The following HTR3B variants were observed in gnomAD, a reference collection of about 807,000 sequenced individuals.
HTR3B encodes the protein 5-hydroxytryptamine (serotonin) receptor 3B, ionotropic.
Under a neutral mutation model 42.8 loss-of-function variants are expected in HTR3B, and 44 were observed. That is an observed-to-expected ratio of 1.03 (90% CI 0.81 to 1.32). The LOEUF (loss-of-function observed/expected upper bound fraction) is 1.32. Ranked by LOEUF, HTR3B falls within the 40% of genes most tolerant of loss-of-function variation. The pLI, the probability that HTR3B is intolerant of heterozygous loss-of-function variation, is 0.00. For synonymous variants in HTR3B, 203 were observed against 209.0 expected, an observed-to-expected ratio of 0.97 and a Z score of 0.25; for missense variants, 527 against 536.5, an observed-to-expected ratio of 0.98 and a Z score of 0.17.
At chr11:113,937,239 C>G (rs1395390704) in intron 6 of HTR3B, among the ~76,000 whole-genome samples, 3 of 152,216 alleles carry the variant, frequency 2.0e-5, no homozygotes, top group African/African-American at 7.2e-5. Context: ...CTTGCATGAT[C>G]TGCAGAGAGG....
chr11:113,917,727 C>T (rs1949870294), intron 2 of HTR3B, among the ~76,000 whole-genome samples: 1 of 151,872 alleles, frequency 6.6e-6, no homozygotes, highest in Non-Finnish European at 1.5e-5. Context: ...GCCTCACCCT[C>T]CTGAGTAGCT....
At chr11:113,901,141 C>T (rs1429688302), upstream of HTR3B, among the ~76,000 whole-genome samples, 44 of 151,980 alleles carry the variant, frequency 2.9e-4, no homozygotes, top group Admixed American at 2.8e-3. Context: ...CAATACCAAA[C>T]CTAAAAGAAC....
chr11:113,938,648 G>C (rs983864047), intron 6 of HTR3B, among the ~76,000 whole-genome samples: 1 of 152,158 alleles, frequency 6.6e-6, no homozygotes, highest in Non-Finnish European at 1.5e-5. Context: ...TATCCAATGA[G>C]ATAATAAAAA....
intron 2 of HTR3B, among the ~76,000 whole-genome samples, chr11:113,918,680 G>A (rs561907761): frequency 1.5e-5 from 2 of 134,610 alleles, no homozygotes; most frequent in African/African-American, 5.6e-5. Flanking sequence ...TTTTCAGTAT[G>A]GAGTCTCACT....
intron 6 of HTR3B, among the ~76,000 whole-genome samples, chr11:113,938,347 T>G (rs900490366): frequency 1.3e-5 from 2 of 152,146 alleles, no homozygotes; most frequent in African/African-American, 4.8e-5. Context: ...TGTCAACTCT[T>G]AAGTCCAAAA....
At chr11:113,904,431 T>C (rs992189122), upstream of HTR3B, among the ~76,000 whole-genome samples, 17 of 152,364 alleles carry the variant, frequency 1.1e-4, no homozygotes, top group Middle Eastern at 6.8e-3. Flanking sequence ...ATTAGCCTTG[T>C]GTAATTCAAG....
At chr11:113,942,819 A>G (rs1336744630) in intron 6 of HTR3B, among the ~76,000 whole-genome samples, 163 bp from the exon 7 acceptor site, 3 of 152,150 alleles carry the variant, frequency 2.0e-5, no homozygotes, top group Admixed American at 2.0e-4. Context: ...TCTTTTCTAA[A>G]CCAAAAAGTA....
At chr11:113,941,642 ATGCTTG>A (rs1950135771) in intron 6 of HTR3B, among the ~76,000 whole-genome samples, 3 of 152,098 alleles carry the variant, frequency 2.0e-5, no homozygotes, top group Non-Finnish European at 4.4e-5. Flanking sequence ...ACCACTGGTC[ATGCTTG>A]ACCAGTAGGG....
chr11:113,945,674 C>T (rs1402985881), intron 8 of HTR3B, among the ~76,000 whole-genome samples: 1 of 152,254 alleles, frequency 6.6e-6, no homozygotes, highest in Non-Finnish European at 1.5e-5. Context: ...ATCTAGCACA[C>T]ATACACCCTG....
chr11:113,926,845 C>G (rs1001475878), intron 2 of HTR3B, among the ~76,000 whole-genome samples: 3 of 152,142 alleles, frequency 2.0e-5, no homozygotes, highest in Non-Finnish European at 2.9e-5. Context: ...GGTTTTCAAA[C>G]TGACTGAATC....
chr11:113,914,609 A>C (rs1949833456), intron 2 of HTR3B, among the ~76,000 whole-genome samples: 1 of 151,590 alleles, frequency 6.6e-6, no homozygotes, highest in African/African-American at 2.4e-5. Context: ...CAGCCTCCCA[A>C]GTAGCTGAGA....
chr11:113,916,896 T>A (rs1021950192), intron 2 of HTR3B, among the ~76,000 whole-genome samples: 1 of 152,182 alleles, frequency 6.6e-6, no homozygotes, highest in Admixed American at 6.5e-5. Flanking sequence ...GACCCTTACA[T>A]TTCTTTTTCG....
intron 2 of HTR3B, among the ~76,000 whole-genome samples, chr11:113,918,633 T>C (rs1949880372): frequency 6.6e-6 from 1 of 151,484 alleles, no homozygotes; most frequent in Non-Finnish European, 1.5e-5. Flanking sequence ...GGCTTTTTTT[T>C]TTTTTTAAAC....
At chr11:113,899,673 C>T in the HTR3B span, among the ~76,000 whole-genome samples, 1 of 152,166 alleles carries the variant, frequency 6.6e-6, no homozygotes, top group Non-Finnish European at 1.5e-5. Context: ...TCTTAAAGGA[C>T]GCATAACTCA....
chr11:113,948,959 C>T lies in HTR3B; in HGVS notation c.*2822C>T, dbSNP rs1483211138. 6.6e-6 allele frequency among the ~76,000 whole-genome samples: 1 copy of T among 152,222 alleles called. No homozygotes were observed. Among genetic ancestry groups the T allele is most frequent in the Non-Finnish European group, 1.5e-5 (1 of 68,018 alleles). ...ATGGGTGCAGCACAGCAACGTGGCA[C>T]GTGTATACATATGTAACAAACCTGC... On this transcript the variant is annotated 3_prime_UTR_variant, in exon 9 of 9. Coordinates refer to ENST00000260191, the MANE Select transcript of HTR3B (RefSeq NM_006028.5).
chr11:113,923,330 G>T (rs536788570), intron 2 of HTR3B, among the ~76,000 whole-genome samples: 1 of 152,178 alleles, frequency 6.6e-6, no homozygotes, highest in South Asian at 2.1e-4. Context: ...TTTGCCTCCT[G>T]TTTTGTTTAT....
In HTR3B at chr11:113,907,768, T is replaced by C. The variant is rs543391308; in HGVS notation, c.53-1527T>C. On this transcript the variant is annotated intron_variant, in intron 1 of 8. Transcript: ENST00000260191. ...TAATGCTGTCTCGGGTAATTTCCTG[T>C]ATTGAAACATACTCATTTCGGTGTT... Among the ~76,000 whole-genome samples, 13 of 152,330 alleles carry C rather than the reference T, an allele frequency of 8.5e-5. No individual in the cohort carries two copies. The East Asian group carries it at 2.5e-3, about 29-fold the overall frequency.
At chr11:113,904,542 G>A (rs1162911314), upstream of HTR3B, 3 of 165,490 alleles carry the variant, frequency 1.8e-5, no homozygotes, top group Non-Finnish European at 3.9e-5. Flanking sequence ...TGTCCTGAAT[G>A]TCAGCAAGAG....
chr11:113,925,959 A>G (rs1263041321), intron 2 of HTR3B, among the ~76,000 whole-genome samples: 2 of 152,182 alleles, frequency 1.3e-5, no homozygotes, highest in African/African-American at 4.8e-5. Flanking sequence ...CATCACCACT[A>G]TCTAATTTCA....
Sources: gnomAD v4.1 joint callset for allele counts (sites outside exome capture counted in the v4.1 genomes callset) on GRCh38, gnomAD v4.1.1 for gene constraint, MANE v1.5 for transcripts, NCBI Gene and HGNC (gene_info 2026-07-23, HGNC 2026-07-21) for gene names.